Variants in SHANK2 observed in about 807,000 individuals in gnomAD.
SHANK2 encodes the protein SH3 and multiple ankyrin repeat domains protein 2.
Under a neutral mutation model 133.7 loss-of-function variants are expected in SHANK2, and 43 were observed. The ratio of observed to expected loss-of-function variants is 0.32; its 90% CI spans 0.25 to 0.41. The LOEUF (loss-of-function observed/expected upper bound fraction) is 0.41, where lower values mean the gene tolerates loss of function less well. SHANK2 is among the 10% of genes least tolerant of loss of function. The probability of loss-of-function intolerance (pLI) is 1.00; values close to 1 mark genes in which losing one functional copy is unlikely to be tolerated. For synonymous variants in SHANK2, 1,017 were observed against 952.8 expected (o/e 1.07, Z -1.24); for missense variants, 1,994 against 2,235.8 (o/e 0.89, Z 2.18).
At chr11:70,542,753 AC>A (rs1359645241) in intron 17 of SHANK2, among the ~76,000 whole-genome samples, 1 of 152,214 alleles carries the variant, frequency 6.6e-6, no homozygotes, top group Non-Finnish European at 1.5e-5. Flanking sequence ...AAGCATTTTC[AC>A]AAGACAACCT....
At chr11:70,537,877 G>C (rs2059565970) in intron 17 of SHANK2, among the ~76,000 whole-genome samples, 1 of 152,180 alleles carries the variant, frequency 6.6e-6, no homozygotes, top group South Asian at 2.1e-4. Context: ...GAGGCCCGTG[G>C]GGGGTCTTCC....
At chr11:71,124,098 G>A (rs1374672841) in intron 3 of SHANK2, among the ~76,000 whole-genome samples, 31 of 117,260 alleles carry the variant, frequency 2.6e-4, no homozygotes, top group African/African-American at 1.0e-3. Flanking sequence ...GGCGATGATA[G>A]TGATCATGAT....
chr11:70,848,655 C>T (rs1949036351), intron 11 of SHANK2, among the ~76,000 whole-genome samples: 1 of 152,202 alleles, frequency 6.6e-6, no homozygotes, highest in Non-Finnish European at 1.5e-5. Context: ...CAGACCTGTG[C>T]TTTGCAGAGC....
At chr11:70,750,074 G>A (rs1946722385) in intron 14 of SHANK2, among the ~76,000 whole-genome samples, 1 of 152,194 alleles carries the variant, frequency 6.6e-6, no homozygotes, top group African/African-American at 2.4e-5. Context: ...GCAAACCTGG[G>A]CAGATGCTGT....
At chr11:70,734,622 G>A (rs576352638) in intron 14 of SHANK2, among the ~76,000 whole-genome samples, 12 of 152,310 alleles carry the variant, frequency 7.9e-5, no homozygotes, top group African/African-American at 1.7e-4. Flanking sequence ...AGGGCCCCCC[G>A]ACCAATACCA....
At chr11:70,858,299 G>A (rs879984561) in intron 11 of SHANK2, among the ~76,000 whole-genome samples, 11 of 152,224 alleles carry the variant, frequency 7.2e-5, no homozygotes, top group African/African-American at 2.2e-4. Flanking sequence ...TGCGCTGTGC[G>A]GCCAGGTTGC....
chr11:70,534,226 A>G (rs1033979864), intron 17 of SHANK2, among the ~76,000 whole-genome samples: 5 of 152,222 alleles, frequency 3.3e-5, no homozygotes, highest in African/African-American at 9.6e-5. Flanking sequence ...CAATCATGGC[A>G]GAAGGGGAAG....
At chr11:70,526,756 C>A (rs1480748081) in intron 17 of SHANK2, among the ~76,000 whole-genome samples, 1 of 152,122 alleles carries the variant, frequency 6.6e-6, no homozygotes, top group Non-Finnish European at 1.5e-5. Context: ...TCAGTTGACA[C>A]CACTCCTCCC....
intron 15 of SHANK2, 141 bp from the exon 16 acceptor site, chr11:70,661,819 G>C (rs1318814485): frequency 6.2e-7 from 1 of 1,610,294 alleles, no homozygotes; most frequent in Non-Finnish European, 8.5e-7. Context: ...GAGGAAAGGA[G>C]GCAGCGAGGG....
chr11:71,061,749 G>A (rs985257381), intron 9 of SHANK2, among the ~76,000 whole-genome samples: 7,173 of 152,146 alleles, frequency 0.047, 252 homozygotes, highest in Non-Finnish European at 0.075. Flanking sequence ...GCAGGTGACC[G>A]GCATTTCAAG....
intron 14 of SHANK2, among the ~76,000 whole-genome samples, chr11:70,766,968 G>T (rs956179681): frequency 6.6e-6 from 1 of 152,206 alleles, no homozygotes; most frequent in Non-Finnish European, 1.5e-5. Flanking sequence ...CTAGCTGTCC[G>T]GGAGATGTGA....
chr11:70,572,197 T>C (rs1166606263), intron 17 of SHANK2, among the ~76,000 whole-genome samples: 7 of 152,256 alleles, frequency 4.6e-5, no homozygotes, highest in Non-Finnish European at 1.0e-4. Context: ...TCTCACTCTG[T>C]CGCCCAGGCT....
intron 10 of SHANK2, among the ~76,000 whole-genome samples, chr11:70,944,352 C>G (rs1950691164): frequency 6.6e-6 from 1 of 152,220 alleles, no homozygotes; most frequent in Admixed American, 6.5e-5. Flanking sequence ...TGCCCGGTGC[C>G]AGGGCCCTCC....
At chr11:70,716,864 C>T (rs1045418898) in intron 14 of SHANK2, among the ~76,000 whole-genome samples, 5 of 151,494 alleles carry the variant, frequency 3.3e-5, no homozygotes, top group South Asian at 2.1e-4. Flanking sequence ...CGGTGGCAGG[C>T]GCCTCACATC....
At chr11:70,690,670 C>CATAAAT (rs60007949) in intron 15 of SHANK2, among the ~76,000 whole-genome samples, 30,208 of 129,988 alleles carry the variant, frequency 0.23, 3,908 homozygotes, top group Non-Finnish European at 0.27. Context: ...ACTTAGAACC[C>CATAAAT]ATAAATATAA....
intron 13 of SHANK2, among the ~76,000 whole-genome samples, chr11:70,805,522 C>T (rs1555051636): frequency 2.6e-5 from 4 of 152,220 alleles, no homozygotes; most frequent in South Asian, 2.1e-4. Context: ...CCTTGTCACC[C>T]GACATCTCAG....
chr11:71,102,648 G>A (rs1345525653), intron 6 of SHANK2, among the ~76,000 whole-genome samples: 4 of 152,242 alleles, frequency 2.6e-5, no homozygotes, highest in Non-Finnish European at 5.9e-5. Context: ...CAGGTGGAAA[G>A]TGGGAATGTG....
chr11:70,876,290 G>T (rs191392028), intron 11 of SHANK2, among the ~76,000 whole-genome samples: 2 of 122,480 alleles, frequency 1.6e-5, no homozygotes, highest in Non-Finnish European at 1.7e-5. Context: ...GGCTGGGTGC[G>T]GTGGCTCACG....
rs546362243 is a variant in SHANK2, at chr11:70,930,068, G to A, written c.1108-33501C>T. ...CAGCAAACACAGGTAACATTTCAAT[G>A]AACAGACATGACTATGCTCCAGAAA... On this transcript the variant is annotated intron_variant, in intron 10 of 25. Transcript: ENST00000601538. 2.1e-3 allele frequency among the ~76,000 whole-genome samples: 321 copies of A among 152,314 alleles called. 2 individuals carry two copies. The highest frequency in any genetic ancestry group is 3.3e-3 in the Non-Finnish European group (222 of 68,016).
Sources: allele counts gnomAD v4.1 joint callset (sites outside exome capture counted in the v4.1 genomes callset), GRCh38; gene constraint gnomAD v4.1.1; transcripts MANE v1.5; gene names NCBI Gene and HGNC (gene_info 2026-07-23, HGNC 2026-07-21).